ANKZF1: variants seen among roughly 807,000 people sequenced by gnomAD.
ANKZF1 encodes ankyrin repeat and zinc finger peptidyl tRNA hydrolase 1.
ANKZF1 carries 84 observed loss-of-function variants against 86.0 expected under a neutral mutation model. That is an observed-to-expected ratio of 0.98 (90% CI 0.82 to 1.17). The LOEUF is 1.17. ANKZF1 is among the 50% of genes most tolerant of loss of function. The probability of loss-of-function intolerance (pLI) is 0.00; values close to 1 mark genes in which losing one functional copy is unlikely to be tolerated. For synonymous variants in ANKZF1, 331 were observed against 354.2 expected, an observed-to-expected ratio of 0.93 and a Z score of 0.74; for missense variants, 893 against 918.4, an observed-to-expected ratio of 0.97 and a Z score of 0.36.
Position 219,235,052 on chromosome 2 carries a change from C to A in ANKZF1, c.1431C>A (p.Ala477=). 1 of 1,614,238 alleles carries A rather than the reference C, an allele frequency of 6.2e-7. No individual in the cohort carries two copies. The highest frequency in any genetic ancestry group is 2.2e-5 in the East Asian group (1 of 44,882). Residue 477 remains alanine (A), a synonymous_variant, in exon 10 of 14, where the codon GCC becomes GCA. Coordinates refer to ENST00000323348, the MANE Select transcript of ANKZF1 (RefSeq NM_018089.3). The part of the protein sequence containing the change: ...PSTQSSQAVA[A]PLGPLLDEAK... ...CACAGTCATCCCAGGCAGTTGCTGC[C>A]CCCTTGGGCCCTTTGCTGGATGAGG...
In ANKZF1 at chr2:219,233,323, A is replaced by G. The variant is rs368052998; in HGVS notation, c.709A>G (p.Thr237Ala). The G allele has an allele frequency of 1.5e-5, 25 of 1,614,258 alleles. No individual in the cohort carries two copies. The African/African-American group carries it at 3.2e-4, about 21-fold the overall frequency. ...GACACACAAAACTTTTCACCGCTAT[A>G]CGGTTCGGGCCAAGCGGGGCACAGC... Reference protein sequence around the residue: ...VVTHKTFHRYTVRAKRGTAQG... With the variant: ...VVTHKTFHRYAVRAKRGTAQG... Residue 237 changes from threonine (T) to alanine (A), a missense_variant, in exon 7 of 14, where the codon ACG becomes GCG. Thr to Ala is a moderately conservative substitution (Grantham distance 58). Coordinates refer to ENST00000323348, the MANE Select transcript of ANKZF1 (RefSeq NM_018089.3).
chr2:219,236,651 A>C lies in ANKZF1; in HGVS notation c.*206A>C, dbSNP rs1233386807. 1.5e-6 allele frequency: 1 copy of C among 677,882 alleles called. No homozygotes were observed. The highest frequency in any genetic ancestry group is 1.8e-5 in the African/African-American group (1 of 54,816). 42.0% of individuals were successfully genotyped at this position (677,882 alleles called of 1,614,324 possible). On this transcript the variant is annotated 3_prime_UTR_variant, in exon 14 of 14. Transcript: ENST00000323348. ...TAATCACAATAAAGTTTGGCAAGGA[A>C]TGTGTACTTGTACTTACATTCAGAG...
Position 219,233,873 on chromosome 2 carries a change from C to T in ANKZF1, c.978C>T (p.Leu326=), listed in dbSNP as rs201436138. 5.1e-4 allele frequency: 827 copies of T among 1,611,872 alleles called. No individual in the cohort carries two copies. The highest frequency in any genetic ancestry group is 6.3e-4 in the Non-Finnish European group (748 of 1,179,002). Residue 326 remains leucine (L), a synonymous_variant, in exon 8 of 14, where the codon CTC becomes CTT. Transcript: ENST00000323348. ...RGDPRLWDIP[L]ATRRPTFQEL... ...ATCCCCGACTTTGGGATATCCCCCT[C>T]GCCACCCGCAGACCCACCTTCCAAG...
At position 219,232,233 on chromosome 2, in the gene ANKZF1, T is replaced by C. The variant is rs536677858; in HGVS notation, c.262-27T>C. ...GCCAGGCTGGGGCATATTTCCACCT[T>C]TATCTCACTCTTTGTCTTTGTACTA... On this transcript the variant is annotated intron_variant, in intron 3 of 13. Transcript: ENST00000323348. 9.8e-5 allele frequency: 157 copies of C among 1,608,100 alleles called. 4 individuals are homozygous for C. The South Asian group carries it at 1.7e-3, about 18-fold the overall frequency.
intron 2 of ANKZF1, chr2:219,231,234 C>A (rs930529633): frequency 9.4e-5 from 17 of 180,912 alleles, no homozygotes; most frequent in Non-Finnish European, 1.9e-4. Flanking sequence ...TTAAATTAGA[C>A]AAGACTCAAA....
rs1457336563 is a variant in ANKZF1 at position 219,230,359 on chromosome 2, C to G, written c.102C>G (p.His34Gln). ...PVFQGLSLVS[H>Q]APGEALARAP... is the part of the protein sequence containing the mutation. Reference sequence around the variant, plus strand: ...TTCAGGGCCTGAGCCTGGTGAGCCACGCGCCTGGGGAGGCTCTGGCCCGGG... The same window carrying G: ...TTCAGGGCCTGAGCCTGGTGAGCCAGGCGCCTGGGGAGGCTCTGGCCCGGG... The change falls in exon 2 of 14, where the codon CAC (histidine) becomes CAG (glutamine). Residue 34 changes from histidine to glutamine, a missense_variant. Transcript: ENST00000323348. 3 of 1,613,712 alleles carry G rather than the reference C, an allele frequency of 1.9e-6. No individual in the cohort carries two copies. The highest frequency in any genetic ancestry group is 2.5e-6 in the Non-Finnish European group (3 of 1,179,816).
At chr2:219,230,546 C>T in intron 2 of ANKZF1, 141 bp downstream of exon 2, 1 of 1,161,724 alleles carries the variant, frequency 8.6e-7, no homozygotes, top group Non-Finnish European at 1.2e-6. Context: ...CACTTAATCT[C>T]TGGGTAATGT....
In ANKZF1 at chr2:219,233,908, G is replaced by C. The variant is rs767427833; in HGVS notation, c.1013G>C (p.Arg338Pro). 8 of 1,602,116 alleles carry C rather than the reference G, an allele frequency of 5.0e-6. No individual in the cohort carries two copies. In the East Asian group the frequency reaches 1.8e-4, roughly 36 times the overall value. Reference protein sequence around the residue: ...TRRPTFQELQRVLHKLTTLHV... With the variant: ...TRRPTFQELQPVLHKLTTLHV... ...AGACCCACCTTCCAAGAGCTACAGC[G>C]TGTGCTCCATAAGCTGACCACTTTG... The change falls in exon 8 of 14, where the codon CGT (arginine) becomes CCT (proline). Residue 338 changes from arginine to proline, a missense_variant. Coordinates refer to ENST00000323348, the MANE Select transcript of ANKZF1 (RefSeq NM_018089.3).
intron 9 of ANKZF1, 60 bp from the exon 10 acceptor site, chr2:219,234,766 A>G: frequency 1.3e-6 from 2 of 1,528,256 alleles, no homozygotes; most frequent in East Asian, 4.5e-5. Context: ...ATTCTTATGC[A>G]TCTGCTTCTA....
Position 219,234,197 on chromosome 2 carries a change from G to A in ANKZF1, c.1113G>A (p.Glu371=), listed in dbSNP as rs1951135005. The A allele has an allele frequency of 6.2e-7, 1 of 1,614,128 alleles. No homozygotes were observed. The highest frequency in any genetic ancestry group is 1.1e-5 in the South Asian group (1 of 91,088). The change falls in exon 9 of 14, where the codon GAG becomes GAA. Residue 371 remains glutamate, a synonymous_variant. Coordinates refer to ENST00000323348, the MANE Select transcript of ANKZF1 (RefSeq NM_018089.3). ...SPQTHWKTVR[E]ERKKPTEEEI... ...AGACACACTGGAAAACAGTAAGAGA[G>A]GAGAGAAAGAAGCCTACTGAGGAAG...
chr2:219,233,995 C>T (rs953905347), intron 8 of ANKZF1, 52 bp downstream of exon 8: 33 of 1,530,308 alleles, frequency 2.2e-5, no homozygotes, highest in Non-Finnish European at 2.5e-5. Flanking sequence ...TTCTCTCCAA[C>T]CTAAGCCTCC....
In ANKZF1 at chr2:219,234,394, C is replaced by G. The variant is rs899059792; in HGVS notation, c.1204+106C>G. ...ACCCATTTCCTTATTTAAACACACA[C>G]CCACAGTGTCTATCTTAGCAATTAC... On this transcript the variant is annotated intron_variant, in intron 9 of 13. Coordinates refer to ENST00000323348, the MANE Select transcript of ANKZF1 (RefSeq NM_018089.3). 2.2e-6 allele frequency: 3 copies of G among 1,365,260 alleles called. No homozygotes were observed. The African/African-American group carries it at 4.3e-5, about 20-fold the overall frequency. 84.6% of individuals were successfully genotyped at this position (1,365,260 alleles called of 1,614,324 possible).
At position 219,233,841 on chromosome 2, in the gene ANKZF1, A is replaced by AG. The variant is rs1184843257; in HGVS notation, c.952dup (p.Asp318GlyfsTer25). On this transcript the variant is annotated frameshift_variant, in exon 8 of 14. Transcript: ENST00000323348. LOFTEE classifies it high-confidence loss of function. ...TGGAGGCAAGGGAGCACCCCTGCAA[A>AG]GGGGGGATCCCCGACTTTGGGATAT... 2 of 1,613,414 alleles carry AG rather than the reference A, an allele frequency of 1.2e-6. No homozygotes were observed. Among genetic ancestry groups the AG allele is most frequent in the Admixed American group, 1.7e-5 (1 of 59,832 alleles).
chr2:219,234,976 C>G lies in ANKZF1; in HGVS notation c.1355C>G (p.Ala452Gly). The change falls in exon 10 of 14, where the codon GCT becomes GGT. Residue 452 changes from alanine (A) to glycine (G), a missense_variant. Transcript: ENST00000323348. ...AAGGAGAAAAGCCGAGACCAGGAGG[C>G]TGGGGCACATCGGACTCTTCTCCAG... Reference protein sequence around the residue: ...NKKEKSRDQEAGAHRTLLQQT... With the variant: ...NKKEKSRDQEGGAHRTLLQQT... 6.2e-7 allele frequency: 1 copy of G among 1,614,254 alleles called. No homozygotes were observed. The highest frequency in any genetic ancestry group is 8.5e-7 in the Non-Finnish European group (1 of 1,180,044).
In ANKZF1 at chr2:219,234,192, A is replaced by C; in HGVS notation, c.1108A>C (p.Arg370=). 4 of 1,614,126 alleles carry C rather than the reference A, an allele frequency of 2.5e-6. No individual in the cohort carries two copies. The highest frequency in any genetic ancestry group is 3.4e-6 in the Non-Finnish European group (4 of 1,180,004). ...HSPQTHWKTV[R]EERKKPTEEE... is the part of the protein sequence containing the mutation. ...ACCTCAGACACACTGGAAAACAGTA[A>C]GAGAGGAGAGAAAGAAGCCTACTGA... is the stretch of plus-strand genomic sequence containing the variant. Residue 370 remains arginine, a synonymous_variant, in exon 9 of 14, where the codon AGA becomes CGA. Transcript: ENST00000323348.
At position 219,235,158 on chromosome 2, in the gene ANKZF1, C is replaced by A; in HGVS notation, c.1537C>A (p.Gln513Lys). The A allele has an allele frequency of 6.2e-7, 1 of 1,614,228 alleles. No homozygotes were observed. The highest frequency in any genetic ancestry group is 8.5e-7 in the Non-Finnish European group (1 of 1,180,034). Residue 513 changes from glutamine (Q) to lysine (K), a missense_variant, in exon 10 of 14, where the codon CAG becomes AAG. Coordinates refer to ENST00000323348, the MANE Select transcript of ANKZF1 (RefSeq NM_018089.3). ...TGGAGATGTTGGAGTGCTAAAGCTG[C>A]AGCTAGCTCCCAGCCCTGCAGACCC... is the stretch of plus-strand genomic sequence containing the variant. ...RAGDVGVLKL[Q>K]LAPSPADPRV...
Position 219,235,991 on chromosome 2 carries a change from C to A in ANKZF1, c.1972-19C>A, listed in dbSNP as rs566933900. 35 of 1,614,074 alleles carry A rather than the reference C, an allele frequency of 2.2e-5. No homozygotes were observed. Among genetic ancestry groups the A allele is most frequent in the Non-Finnish European group, 3.0e-5 (35 of 1,180,038 alleles). ...CTCGCCACTGGGGCCTTGTCCTTAA[C>A]ACAACTTGTCTCCCTCAGAGAGCTC... On this transcript the variant is annotated intron_variant, in intron 12 of 13. Coordinates refer to ENST00000323348, the MANE Select transcript of ANKZF1 (RefSeq NM_018089.3).
At position 219,232,526 on chromosome 2, in the gene ANKZF1, A is replaced by T; in HGVS notation, c.401A>T (p.Asp134Val). ...LSSISGSEDS[D>V]SASEEDLQTL... ...AGCATCTCGGGATCAGAAGACTCAG[A>T]CTCAGCCAGTGAGGAGGACTTGCAG... is the stretch of plus-strand genomic sequence containing the variant. Residue 134 changes from aspartate to valine, a missense_variant, in exon 5 of 14, where the codon GAC becomes GTC. Physicochemically the swap from Asp to Val is radical, Grantham distance 152. Transcript: ENST00000323348. The T allele has an allele frequency of 1.2e-6, 2 of 1,614,198 alleles. No individual in the cohort carries two copies. Among genetic ancestry groups the T allele is most frequent in the Non-Finnish European group, 1.7e-6 (2 of 1,180,038 alleles).
chr2:219,235,945 T>C, intron 12 of ANKZF1, 65 bp from the exon 13 acceptor site: 3 of 1,613,954 alleles, frequency 1.9e-6, no homozygotes, highest in Non-Finnish European at 2.5e-6. Flanking sequence ...AGCGTGCAGC[T>C]GTCACCTCTT....
Sources: gnomAD v4.1 joint callset for allele counts on GRCh38, gnomAD v4.1.1 for gene constraint, MANE v1.5 for transcripts, NCBI Gene and HGNC (gene_info 2026-07-23, HGNC 2026-07-21) for gene names.